Variants in GRIP2 observed in about 807,000 individuals in gnomAD.
GRIP2 encodes glutamate receptor interacting protein 2.
Under a neutral mutation model 108.3 loss-of-function variants are expected in GRIP2, and 58 were observed. That is an observed-to-expected ratio of 0.54 (90% CI 0.43 to 0.67). The LOEUF (loss-of-function observed/expected upper bound fraction) is 0.67, where lower values mean the gene tolerates loss of function less well. Ranked by LOEUF, GRIP2 falls within the 30% of genes least tolerant of loss-of-function variation. GRIP2 has a pLI of 0.00. For missense variants in GRIP2, 1,278 were observed against 1,430.6 expected, an observed-to-expected ratio of 0.89 and a Z score of 1.72; for synonymous variants, 586 against 598.2, an observed-to-expected ratio of 0.98 and a Z score of 0.30.
intron 22 of GRIP2, among the ~76,000 whole-genome samples, chr3:14,495,303 CT>C (rs1190723605): frequency 6.6e-6 from 1 of 152,238 alleles, no homozygotes; most frequent in African/African-American, 2.4e-5. Flanking sequence ...GTTACCTCCC[CT>C]GACCGTCACT....
the GRIP2 span, among the ~76,000 whole-genome samples, chr3:14,589,891 C>A: frequency 6.6e-6 from 1 of 151,700 alleles, no homozygotes; most frequent in South Asian, 2.1e-4. Flanking sequence ...CCTCCCTGCT[C>A]AAGCAATCCT....
chr3:14,575,895 G>A, the GRIP2 span, among the ~76,000 whole-genome samples: 2 of 152,250 alleles, frequency 1.3e-5, no homozygotes, highest in Admixed American at 6.5e-5. Flanking sequence ...GCTGCATGGA[G>A]GCTGTGCCCC....
chr3:14,581,475 A>C, the GRIP2 span, among the ~76,000 whole-genome samples: 4 of 152,220 alleles, frequency 2.6e-5, no homozygotes, highest in Non-Finnish European at 5.9e-5. Flanking sequence ...GAAGGGCATA[A>C]GCCAGGTTTA....
the GRIP2 span, among the ~76,000 whole-genome samples, chr3:14,586,054 C>T: frequency 1.3e-5 from 2 of 152,252 alleles, no homozygotes; most frequent in Admixed American, 6.5e-5. Context: ...GGCAACCACA[C>T]TGGCCTCCGT....
At chr3:14,523,256 G>A (rs1159160486) in intron 5 of GRIP2, 181 bp from the exon 6 acceptor site, 26 of 601,440 alleles carry the variant, frequency 4.3e-5, no homozygotes, top group Non-Finnish European at 6.0e-6. Flanking sequence ...ATGGTGCAAG[G>A]GGTGGGTAAC....
chr3:14,546,153 A>G (rs1269320979), upstream of GRIP2, among the ~76,000 whole-genome samples: 1 of 152,004 alleles, frequency 6.6e-6, no homozygotes, highest in Non-Finnish European at 1.5e-5. Flanking sequence ...GAGGGAGGGG[A>G]CTGCTCTGCA....
In GRIP2 at chr3:14,493,733, T is replaced by C; in HGVS notation, c.3064A>G (p.Lys1022Glu). 21 of 1,609,494 alleles carry C rather than the reference T, an allele frequency of 1.3e-5. No individual in the cohort carries two copies. Among genetic ancestry groups the C allele is most frequent in the Non-Finnish European group, 1.7e-5 (20 of 1,178,584 alleles). ...GDVLELIISRKPHTAHSSRAP... is the reference protein window; with the variant it reads ...GDVLELIISREPHTAHSSRAP... ...CGGCTGCTGTGTGCCGTGTGCGGCT[T>C]GCGGCTGATGATCAGCTCCAAGACA... Residue 1022 changes from lysine to glutamate, a missense_variant, in exon 24 of 24, where the codon AAG becomes GAG. Transcript: ENST00000621039.
At chr3:14,565,700 C>A in the GRIP2 span, among the ~76,000 whole-genome samples, 26,280 of 152,228 alleles carry the variant, frequency 0.17, 2,449 homozygotes, top group Middle Eastern at 0.29. Context: ...GCCTTGGGAA[C>A]GGGAAAGTGG....
At chr3:14,495,515 T>C (rs1319310236) in intron 22 of GRIP2, among the ~76,000 whole-genome samples, 1 of 152,134 alleles carries the variant, frequency 6.6e-6, no homozygotes, top group Admixed American at 6.5e-5. Context: ...CAAGCAATTC[T>C]TCTGCCTCAG....
Position 14,511,198 on chromosome 3 carries a change from T to G in GRIP2, c.1900A>C (p.Lys634Gln), listed in dbSNP as rs1694079585. The change falls in exon 16 of 24, where the codon AAG becomes CAG. Residue 634 changes from lysine (K) to glutamine (Q), a missense_variant. Transcript: ENST00000621039. The surrounding 1 kb of genome is among the most constrained non-coding windows in gnomAD (Gnocchi z 4.1). ...TCCTCGTCCTTCCGGATCTTCAGCT[T>G]CACCAGGTCCTCGCACTGCCGCAGG... is the stretch of plus-strand genomic sequence containing the variant. ...QILRQCEDLV[K>Q]LKIRKDEDNS... 6.2e-7 allele frequency: 1 copy of G among 1,613,948 alleles called. No homozygotes were observed. Among genetic ancestry groups the G allele is most frequent in the Non-Finnish European group, 8.5e-7 (1 of 1,179,878 alleles).
At chr3:14,591,270 G>C in the GRIP2 span, among the ~76,000 whole-genome samples, 4 of 152,070 alleles carry the variant, frequency 2.6e-5, no homozygotes, top group African/African-American at 9.7e-5. Context: ...CTGAGTGCCC[G>C]CCCCATCACT....
chr3:14,506,157 G>A (rs1574996621), intron 19 of GRIP2, among the ~76,000 whole-genome samples: 1 of 152,218 alleles, frequency 6.6e-6, no homozygotes, highest in Non-Finnish European at 1.5e-5. Flanking sequence ...GGGAAGCTGA[G>A]GCCCAGGGAG....
intron 1 of GRIP2, among the ~76,000 whole-genome samples, chr3:14,554,062 G>T (rs60949694): frequency 1.3e-5 from 2 of 152,100 alleles, no homozygotes; most frequent in African/African-American, 4.8e-5. Context: ...GAAGTGGTTG[G>T]GTCACTAAGG....
chr3:14,506,102 G>A (rs915467779), intron 19 of GRIP2, among the ~76,000 whole-genome samples: 1 of 152,234 alleles, frequency 6.6e-6, no homozygotes, highest in Non-Finnish European at 1.5e-5. Context: ...TGAAGGTCCA[G>A]CCCCAGGGAG....
Position 14,540,121 on chromosome 3 carries a change from G to T in GRIP2, c.40+148C>A. The T allele has an allele frequency of 1.0e-6, 1 of 1,004,832 alleles. No individual in the cohort carries two copies. Among genetic ancestry groups the T allele is most frequent in the Non-Finnish European group, 1.4e-6 (1 of 689,940 alleles). The allele number at this position is 1,004,832 out of a possible 1,614,324, so 62.2% of individuals were successfully genotyped here. A position where few individuals can be genotyped will look rare whatever the true frequency, so the allele number is the denominator to read the frequency against. On this transcript the variant is annotated intron_variant, in intron 1 of 23. Transcript: ENST00000621039. This position sits in a 1 kb window ranked among gnomAD's most constrained non-coding sequence, Gnocchi z 4.1. ...GGTCAGACAGACAGCCCCAGCAAGT[G>T]TCCTGCCCCACCCTCCCCAAGCCCT...
At chr3:14,586,912 G>GA in the GRIP2 span, among the ~76,000 whole-genome samples, 1 of 151,940 alleles carries the variant, frequency 6.6e-6, no homozygotes, top group African/African-American at 2.4e-5. Flanking sequence ...GCCAGGTGAA[G>GA]AAAAAACAAA....
intron 20 of GRIP2, among the ~76,000 whole-genome samples, chr3:14,504,456 C>T (rs576302867): frequency 3.3e-4 from 50 of 152,006 alleles, no homozygotes; most frequent in Non-Finnish European, 5.6e-4. Flanking sequence ...GGACCACAGG[C>T]ATGCGCCACC....
rs1693963787 is a variant in GRIP2 at position 14,507,497 on chromosome 3, G to C, written c.2218+64C>G. On this transcript the variant is annotated intron_variant, in intron 18 of 23. Coordinates refer to ENST00000621039, the MANE Select transcript of GRIP2 (RefSeq NM_001080423.4). This position sits in a 1 kb window ranked among gnomAD's most constrained non-coding sequence, Gnocchi z 4.6. ...CTGTGAGGGTGTGCAGGCAAAGCCT[G>C]GCACAGAGGGATTGCCCTTCCTAAA... 3.2e-6 allele frequency: 5 copies of C among 1,578,170 alleles called. No individual in the cohort carries two copies. In the Admixed American group the frequency reaches 6.7e-5, roughly 21 times the overall value.
the GRIP2 span, chr3:14,574,348 C>T: frequency 5.2e-5 from 52 of 994,640 alleles, 2 homozygotes; most frequent in Middle Eastern, 5.4e-4. Context: ...ACCGGCACAG[C>T]GATGCGCTGG....
Sources: allele counts gnomAD v4.1 joint callset (sites outside exome capture counted in the v4.1 genomes callset), GRCh38; gene constraint gnomAD v4.1.1; non-coding constraint Gnocchi (gnomAD v3.1); transcripts MANE v1.5; gene names NCBI Gene and HGNC (gene_info 2026-07-23, HGNC 2026-07-21).